The following MKLN1 variants were observed in gnomAD, a reference collection of about 807,000 sequenced individuals.
MKLN1 encodes muskelin 1.
A neutral mutation model predicts 99.0 loss-of-function variants in MKLN1; 18 were observed. The observed-to-expected ratio is 0.18, with a 90% CI of 0.13 to 0.27. The LOEUF (loss-of-function observed/expected upper bound fraction) is 0.27, where lower values mean the gene tolerates loss of function less well. Ranked by LOEUF, MKLN1 falls within the 10% of genes least tolerant of loss-of-function variation. The pLI is 1.00. For synonymous variants in MKLN1, 288 were observed against 293.2 expected, an observed-to-expected ratio of 0.98 and a Z score of 0.18; for missense variants, 621 against 875.9, an observed-to-expected ratio of 0.71 and a Z score of 3.67.
rs558294017 is a variant in MKLN1 at position 131,321,588 on chromosome 7, TA to T, written c.-178-53828del. 2.6e-4 allele frequency among the ~76,000 whole-genome samples: 40 copies of T among 151,970 alleles called. No individual in the cohort carries two copies. The South Asian group carries it at 8.1e-3, about 31-fold the overall frequency. ...GTATCGCAGAATTTAAAGTAAAATT[TA>T]AAAAAAATAAAAACTTTTCAAATCT... On this transcript the variant is annotated intron_variant, in intron 3 of 7. Coordinates refer to the MKLN1 transcript ENST00000416992.
intron 3 of MKLN1, among the ~76,000 whole-genome samples, chr7:131,258,453 C>T (rs761718376): frequency 7.9e-5 from 12 of 151,216 alleles, no homozygotes; most frequent in African/African-American, 1.2e-4. Context: ...TAGGATGCCT[C>T]GGTGAATAAG....
intron 8 of MKLN1, among the ~76,000 whole-genome samples, chr7:131,415,280 A>G (rs1794984902): frequency 6.6e-6 from 1 of 152,046 alleles, no homozygotes; most frequent in African/African-American, 2.4e-5. Context: ...TAATACCAAT[A>G]ATCTACCATA....
intron 3 of MKLN1, among the ~76,000 whole-genome samples, chr7:131,276,497 C>T (rs1357061918): frequency 6.6e-6 from 1 of 152,150 alleles, no homozygotes; most frequent in African/African-American, 2.4e-5. Flanking sequence ...GGGACAGCAG[C>T]GTTCCAATGG....
At chr7:131,392,361 T>C (rs1293808232) in intron 4 of MKLN1, among the ~76,000 whole-genome samples, 1 of 152,138 alleles carries the variant, frequency 6.6e-6, no homozygotes, top group African/African-American at 2.4e-5. Flanking sequence ...GAGCATGAAG[T>C]CTGGGTATTA....
At chr7:131,278,463 G>T (rs1034728458) in intron 3 of MKLN1, among the ~76,000 whole-genome samples, 1 of 152,122 alleles carries the variant, frequency 6.6e-6, no homozygotes, top group Non-Finnish European at 1.5e-5. Context: ...AGCTTGTCCA[G>T]CTTTGAAGAT....
At chr7:131,352,876 T>G (rs894516130) in intron 1 of MKLN1, among the ~76,000 whole-genome samples, 3 of 152,198 alleles carry the variant, frequency 2.0e-5, no homozygotes, top group African/African-American at 7.2e-5. Context: ...GGTTTCAGAT[T>G]TTAAACTATG....
intron 2 of MKLN1, among the ~76,000 whole-genome samples, chr7:131,158,256 A>G (rs547055442): frequency 1.2e-4 from 18 of 152,228 alleles, no homozygotes; most frequent in Non-Finnish European, 2.4e-4. Flanking sequence ...CCTGGCCAAG[A>G]AGGCAAAACC....
At chr7:131,129,035 A>C (rs1795509823) in intron 1 of MKLN1, among the ~76,000 whole-genome samples, 3 of 152,098 alleles carry the variant, frequency 2.0e-5, no homozygotes, top group African/African-American at 7.2e-5. Flanking sequence ...GAAAAAGACA[A>C]GATCTCAAAA....
At chr7:131,271,834 A>AC (rs1797890139) in intron 3 of MKLN1, among the ~76,000 whole-genome samples, 1 of 151,744 alleles carries the variant, frequency 6.6e-6, no homozygotes, top group African/African-American at 2.4e-5. Flanking sequence ...ACTTGAACCC[A>AC]GGAGGCAGAG....
Position 131,254,132 on chromosome 7 carries a change from C to T in MKLN1, c.-179+51158C>T, listed in dbSNP as rs112213831. ...AACAGAGAGAGAGCAGGGAAAGAGACAGTCAAAGAGAGCTTTGCTAAAATG... is the reference window on the plus strand; with the variant it reads ...AACAGAGAGAGAGCAGGGAAAGAGATAGTCAAAGAGAGCTTTGCTAAAATG... On this transcript the variant is annotated intron_variant, in intron 3 of 7. Coordinates refer to the MKLN1 transcript ENST00000416992. Among the ~76,000 whole-genome samples, 488 of 152,272 alleles carry T rather than the reference C, an allele frequency of 3.2e-3. 3 individuals carry two copies. Among genetic ancestry groups the T allele is most frequent in the African/African-American group, 0.011 (471 of 41,578 alleles).
chr7:131,193,526 C>T (rs372928027), intron 2 of MKLN1, among the ~76,000 whole-genome samples: 3 of 152,100 alleles, frequency 2.0e-5, no homozygotes, highest in African/African-American at 2.4e-5. Flanking sequence ...ACCACCATGA[C>T]GAGCCAAGTT....
At chr7:131,152,014 T>C (rs1159144386) in intron 2 of MKLN1, among the ~76,000 whole-genome samples, 1 of 152,198 alleles carries the variant, frequency 6.6e-6, no homozygotes, top group Non-Finnish European at 1.5e-5. Context: ...CCAGATATTA[T>C]ATTATTTCAT....
At position 131,327,881 on chromosome 7, in the gene MKLN1, C is replaced by G; in HGVS notation, c.-19C>G. ...GTTCGCTGCCAGCGGTCGGTGGCGG[C>G]CGCTACGGTGCTGACAAGATGGCGG... is the stretch of plus-strand genomic sequence containing the variant. On this transcript the variant is annotated 5_prime_UTR_variant, in exon 1 of 18. Transcript: ENST00000352689. 1 of 1,608,828 alleles carries G rather than the reference C, an allele frequency of 6.2e-7. No homozygotes were observed. Among genetic ancestry groups the G allele is most frequent in the Non-Finnish European group, 8.5e-7 (1 of 1,178,868 alleles).
Position 131,490,537 on chromosome 7 carries a change from A to G in MKLN1, c.*2809A>G, listed in dbSNP as rs1208465206. 1 of 152,596 alleles carries G rather than the reference A, an allele frequency of 6.6e-6. No individual in the cohort carries two copies. The highest frequency in any genetic ancestry group is 1.5e-5 in the Non-Finnish European group (1 of 68,012). 9.5% of individuals were successfully genotyped at this position (152,596 alleles called of 1,614,324 possible). On this transcript the variant is annotated 3_prime_UTR_variant, in exon 18 of 18. Coordinates refer to ENST00000352689, the MANE Select transcript of MKLN1 (RefSeq NM_013255.5). ...AGAATGTATCACTCTTATTCAAGCA[A>G]AGGAATTCAGACTTAAATGCCTACC... is the stretch of plus-strand genomic sequence containing the variant.
intron 1 of MKLN1, among the ~76,000 whole-genome samples, chr7:131,140,675 G>A (rs762294098): frequency 1.2e-4 from 18 of 152,118 alleles, no homozygotes; most frequent in East Asian, 3.9e-4. Flanking sequence ...CTTCTTATAC[G>A]GCCTGCAGAA....
At chr7:131,132,696 G>A (rs988428820) in intron 1 of MKLN1, among the ~76,000 whole-genome samples, 15 of 152,068 alleles carry the variant, frequency 9.9e-5, no homozygotes, top group African/African-American at 2.2e-4. Flanking sequence ...GGCCGAGGCC[G>A]GTGGATCACA....
intron 1 of MKLN1, among the ~76,000 whole-genome samples, chr7:131,129,087 A>G (rs1343928462): frequency 1.3e-5 from 2 of 152,164 alleles, no homozygotes; most frequent in Admixed American, 1.3e-4. Flanking sequence ...AAGGAAAAAA[A>G]GGAATTCAAC....
intron 2 of MKLN1, among the ~76,000 whole-genome samples, chr7:131,166,432 A>G (rs1257373520): frequency 6.6e-6 from 1 of 151,648 alleles, no homozygotes; most frequent in East Asian, 2.0e-4. Flanking sequence ...TCTTACTCAG[A>G]GTAAAAGAAA....
chr7:131,323,125 CTGT>C (rs979223523), upstream of MKLN1, among the ~76,000 whole-genome samples: 3 of 152,222 alleles, frequency 2.0e-5, no homozygotes, highest in Admixed American at 6.5e-5. Context: ...TATTCCCATT[CTGT>C]TGTTGTTCTG....
Sources: allele counts gnomAD v4.1 joint callset (sites outside exome capture counted in the v4.1 genomes callset), GRCh38; gene constraint gnomAD v4.1.1; transcripts MANE v1.5; gene names NCBI Gene and HGNC (gene_info 2026-07-23, HGNC 2026-07-21).